COLEC12: variants seen among roughly 807,000 people sequenced by gnomAD.
COLEC12 encodes the protein collectin-12.
A neutral mutation model predicts 71.1 loss-of-function variants in COLEC12; 33 were observed. That is an observed-to-expected ratio of 0.46 (90% CI 0.35 to 0.62). The LOEUF (loss-of-function observed/expected upper bound fraction) is 0.62, where lower values mean the gene tolerates loss of function less well. Among genes scored for constraint, COLEC12 ranks in the 20% least tolerant of loss-of-function variants. The pLI, the probability that COLEC12 is intolerant of heterozygous loss-of-function variation, is 0.00. For synonymous variants in COLEC12, 350 were observed against 353.0 expected (o/e 0.99, Z 0.10); for missense variants, 765 against 916.1 (o/e 0.84, Z 2.13).
intron 2 of COLEC12, among the ~76,000 whole-genome samples, chr18:452,180 C>T (rs966013969): frequency 1.7e-4 from 26 of 152,040 alleles, no homozygotes; most frequent in African/African-American, 4.8e-4. Context: ...TCACATACAC[C>T]GTGTTGGAAA....
intron 2 of COLEC12, among the ~76,000 whole-genome samples, chr18:470,267 G>T (rs7232942): frequency 0.79 from 111,253 of 140,634 alleles, 44,010 homozygotes; most frequent in East Asian, 0.98. Flanking sequence ...AGTCTCGCTC[G>T]GTCTCCCAGG....
intron 2 of COLEC12, among the ~76,000 whole-genome samples, chr18:368,639 C>T (rs11659790): frequency 0.14 from 21,863 of 151,576 alleles, 1,730 homozygotes; most frequent in Admixed American, 0.19. Flanking sequence ...CCAAGGTGGG[C>T]GGATCATGAG....
intron 2 of COLEC12, among the ~76,000 whole-genome samples, chr18:444,285 A>G (rs1178845976): frequency 6.6e-6 from 1 of 152,234 alleles, no homozygotes; most frequent in East Asian, 1.9e-4. Flanking sequence ...TCTCTTTTTC[A>G]GATAAAAAAT....
At chr18:382,071 T>C (rs1269365895) in intron 2 of COLEC12, among the ~76,000 whole-genome samples, 1 of 152,156 alleles carries the variant, frequency 6.6e-6, no homozygotes, top group Non-Finnish European at 1.5e-5. Context: ...GCTATAGTCA[T>C]CTGCAACACA....
chr18:427,385 G>T (rs1916218196), intron 2 of COLEC12, among the ~76,000 whole-genome samples: 1 of 152,162 alleles, frequency 6.6e-6, no homozygotes, highest in Non-Finnish European at 1.5e-5. Context: ...GGGCCGTAGG[G>T]AGAGAAATCC....
chr18:332,687 T>C (rs1914011503), intron 7 of COLEC12, among the ~76,000 whole-genome samples: 1 of 152,212 alleles, frequency 6.6e-6, no homozygotes, highest in African/African-American at 2.4e-5. Context: ...ACAGTGTTCA[T>C]GCCTCTCTCT....
chr18:414,363 G>A (rs891138913), intron 2 of COLEC12, among the ~76,000 whole-genome samples: 2 of 152,140 alleles, frequency 1.3e-5, no homozygotes, highest in Non-Finnish European at 2.9e-5. Flanking sequence ...GCCGAGGCGG[G>A]TGGATCACCT....
rs1335883728 is a variant in COLEC12, at chr18:500,394, C to A, written c.7+114G>T. 9.5e-6 allele frequency: 7 copies of A among 739,668 alleles called. No homozygotes were observed. The highest frequency in any genetic ancestry group is 9.0e-5 in the Admixed American group (2 of 22,308). 45.8% of individuals were successfully genotyped at this position (739,668 alleles called of 1,614,324 possible). A position where few individuals can be genotyped will look rare whatever the true frequency, so the allele number is the denominator to read the frequency against. ...ACCCGGCGCCCTGGCAGCCCCGACT[C>A]CCCGGGCCCGCAGCCCAAGGGAAGG... On this transcript the variant is annotated intron_variant, in intron 1 of 9. Transcript: ENST00000400256. The surrounding 1 kb of genome is among the most constrained non-coding windows in gnomAD (Gnocchi z 5.3).
At chr18:416,017 T>TC (rs1915978696) in intron 2 of COLEC12, among the ~76,000 whole-genome samples, 1 of 152,240 alleles carries the variant, frequency 6.6e-6, no homozygotes, top group South Asian at 2.1e-4. Context: ...TAGTTCCTTG[T>TC]CAGACTACTG....
At chr18:380,831 G>A (rs17452662) in intron 2 of COLEC12, among the ~76,000 whole-genome samples, 3 of 152,032 alleles carry the variant, frequency 2.0e-5, no homozygotes, top group South Asian at 2.1e-4. Context: ...GGCAGAGTAC[G>A]TAAGTTTGCA....
At chr18:445,793 C>T (rs576445582) in intron 2 of COLEC12, among the ~76,000 whole-genome samples, 26 of 152,106 alleles carry the variant, frequency 1.7e-4, no homozygotes, top group African/African-American at 5.8e-4. Flanking sequence ...CAACCACACC[C>T]GGCTAATTTT....
Position 324,516 on chromosome 18 carries a change from TAA to T in COLEC12, c.2064-2711_2064-2710del, listed in dbSNP as rs1333496746. Among the ~76,000 whole-genome samples, 10 of 152,242 alleles carry T rather than the reference TAA, an allele frequency of 6.6e-5. No individual in the cohort carries two copies. The East Asian group carries it at 1.2e-3, about 18-fold the overall frequency. ...CACACACACATCAAATATATATATC[TAA>T]ATATAAGATACTTAGAATAGGATTT... On this transcript the variant is annotated intron_variant, in intron 8 of 9. Coordinates refer to ENST00000400256, the MANE Select transcript of COLEC12 (RefSeq NM_130386.3).
intron 6 of COLEC12, 96 bp from the exon 7 acceptor site, chr18:333,239 CT>C: frequency 1.9e-6 from 2 of 1,044,162 alleles, no homozygotes; most frequent in Non-Finnish European, 2.8e-6. Context: ...TGTGGTCCCG[CT>C]GGGAGCAGCC....
rs1481343359 is a variant in COLEC12 at position 415,770 on chromosome 18, G to T, written c.59-58248C>A. On this transcript the variant is annotated intron_variant, in intron 2 of 9. Transcript: ENST00000400256. ...AGCAGGTATGTGTCAGCAGAGAAAA[G>T]GAAGTGGCTCTTCAGGATCTAAGAG... 2.0e-5 allele frequency among the ~76,000 whole-genome samples: 3 copies of T among 152,112 alleles called. No homozygotes were observed. In the East Asian group the frequency reaches 5.8e-4, roughly 29 times the overall value.
chr18:456,335 C>T (rs868548933), intron 2 of COLEC12, among the ~76,000 whole-genome samples: 12 of 152,142 alleles, frequency 7.9e-5, no homozygotes, highest in African/African-American at 1.7e-4. Flanking sequence ...ACAAACCCCT[C>T]GCTGGTTTAA....
At chr18:422,851 T>C (rs1326789649) in intron 2 of COLEC12, among the ~76,000 whole-genome samples, 2 of 152,190 alleles carry the variant, frequency 1.3e-5, no homozygotes, top group Non-Finnish European at 2.9e-5. Flanking sequence ...TCTCTTTAAA[T>C]TCCTACTTTG....
intron 2 of COLEC12, among the ~76,000 whole-genome samples, chr18:430,723 T>C (rs1189260783): frequency 6.6e-6 from 1 of 152,196 alleles, no homozygotes; most frequent in African/African-American, 2.4e-5. Context: ...CCAGCTGAAA[T>C]ACTGTATATC....
intron 2 of COLEC12, among the ~76,000 whole-genome samples, chr18:443,867 T>G (rs1364445704): frequency 6.6e-6 from 1 of 152,094 alleles, no homozygotes; most frequent in African/African-American, 2.4e-5. Flanking sequence ...GATAGTGAGT[T>G]CTCATGAGAT....
intron 2 of COLEC12, among the ~76,000 whole-genome samples, chr18:464,241 C>G (rs1328420551): frequency 6.6e-6 from 1 of 152,198 alleles, no homozygotes; most frequent in Non-Finnish European, 1.5e-5. Flanking sequence ...CTGTAGCAAC[C>G]TTGAGAGCAG....
Sources: gnomAD v4.1 joint callset for allele counts (sites outside exome capture counted in the v4.1 genomes callset) on GRCh38, gnomAD v4.1.1 for gene constraint, Gnocchi (gnomAD v3.1) non-coding constraint, MANE v1.5 for transcripts, NCBI Gene and HGNC (gene_info 2026-07-23, HGNC 2026-07-21) for gene names.